The following COL6A5 variants were observed in gnomAD, a reference collection of about 807,000 sequenced individuals.
The protein encoded by COL6A5 is collagen type VI alpha 5 chain.
COL6A5 carries 48 observed loss-of-function variants against 65.6 expected under a neutral mutation model. That is an observed-to-expected ratio of 0.73 (90% CI 0.58 to 0.93). COL6A5 has a LOEUF of 0.93. Among genes scored for constraint, COL6A5 ranks in the 40% least tolerant of loss-of-function variants. COL6A5 has a pLI of 0.00. For missense variants in COL6A5, 914 were observed against 928.3 expected, an observed-to-expected ratio of 0.98 and a Z score of 0.20; for synonymous variants, 291 against 322.8, an observed-to-expected ratio of 0.90 and a Z score of 1.05.
At chr3:130,473,042 A>AAG (rs1016759346) in intron 7 of COL6A5, among the ~76,000 whole-genome samples, 1 of 150,852 alleles carries the variant, frequency 6.6e-6, no homozygotes, top group Non-Finnish European at 1.5e-5. Context: ...TACAGACAAA[A>AAG]AGAGAGAGAG....
intron 25 of COL6A5, among the ~76,000 whole-genome samples, chr3:130,420,467 G>A (rs1937493143): frequency 6.6e-6 from 1 of 151,958 alleles, no homozygotes; most frequent in Non-Finnish European, 1.5e-5. Context: ...TTTCACTGTG[G>A]TAAACAACAC....
chr3:130,451,753 G>C (rs1224495232), intron 4 of COL6A5, among the ~76,000 whole-genome samples: 1 of 152,128 alleles, frequency 6.6e-6, no homozygotes, highest in African/African-American at 2.4e-5. Flanking sequence ...TCAGGTAGGG[G>C]AGGAGTAGCC....
At chr3:130,351,872 G>T (rs1351836878) in intron 1 of COL6A5, among the ~76,000 whole-genome samples, 1 of 152,080 alleles carries the variant, frequency 6.6e-6, no homozygotes, top group Non-Finnish European at 1.5e-5. Flanking sequence ...GTTTATTGTG[G>T]CACTATTCAC....
chr3:130,413,596 T>C lies in COL6A5; in HGVS notation c.4698+16T>C. 1 of 1,547,808 alleles carries C rather than the reference T, an allele frequency of 6.5e-7. No individual in the cohort carries two copies. Among genetic ancestry groups the C allele is most frequent in the Admixed American group, 2.0e-5 (1 of 50,940 alleles). On this transcript the variant is annotated intron_variant and NMD_transcript_variant, in intron 21 of 41. Transcript: ENST00000312481. ...AGGTGTCTCAGTAAGTAACCTTGAC[T>C]TCCTGTTCTCTGTGGTTGATGGGAC...
rs530296139 is a variant in COL6A5 at position 130,416,728 on chromosome 3, A to C, written c.4825-29A>C. On this transcript the variant is annotated intron_variant and NMD_transcript_variant, in intron 23 of 41. Coordinates refer to the COL6A5 transcript ENST00000312481. ...GCTTTCTAAGAATTACTACGGTGCC[A>C]ACATTTTAGTCTCTAATTTTTTTTT... 1.5e-4 allele frequency: 209 copies of C among 1,367,568 alleles called. 3 individuals carry two copies. In the South Asian group the frequency reaches 2.6e-3, roughly 17 times the overall value. 84.7% of individuals were successfully genotyped at this position (1,367,568 alleles called of 1,614,324 possible).
In COL6A5 at chr3:130,352,992, G is replaced by A. The variant is rs183190043; in HGVS notation, c.-29+7011G>A. Among the ~76,000 whole-genome samples the A allele has an allele frequency of 1.9e-3, 284 of 152,290 alleles. 1 individual carries two copies. Among genetic ancestry groups the A allele is most frequent in the African/African-American group, 5.8e-3 (241 of 41,560 alleles). ...GTAAAGATAAAAAACAAAGTATAGAGACTGGCACATAATAAGAAACATGTA... is the reference window on the plus strand; with the variant it reads ...GTAAAGATAAAAAACAAAGTATAGAAACTGGCACATAATAAGAAACATGTA... On this transcript the variant is annotated intron_variant and NMD_transcript_variant, in intron 1 of 41. Transcript: ENST00000312481.
chr3:130,354,532 C>G lies in COL6A5; in HGVS notation c.-29+8551C>G, dbSNP rs1356911827. On this transcript the variant is annotated intron_variant and NMD_transcript_variant, in intron 1 of 41. Coordinates refer to the COL6A5 transcript ENST00000312481. ...TATTAAAAATGCAGAACTCAGGGCTCACTCCAAAGCTGCTGAATCAGAGTC... is the reference window on the plus strand; with the variant it reads ...TATTAAAAATGCAGAACTCAGGGCTGACTCCAAAGCTGCTGAATCAGAGTC... Among the ~76,000 whole-genome samples, 5 of 152,166 alleles carry G rather than the reference C, an allele frequency of 3.3e-5. No homozygotes were observed. In the East Asian group the frequency reaches 7.7e-4, roughly 23 times the overall value.
chr3:130,390,651 A>G (rs114936957), intron 6 of COL6A5, among the ~76,000 whole-genome samples: 1,668 of 152,298 alleles, frequency 0.011, 19 homozygotes, highest in Non-Finnish European at 0.013. Context: ...GGGAAAAAGC[A>G]TAAATAACTG....
intron 29 of COL6A5, 79 bp downstream of exon 29, chr3:130,423,979 A>G (rs1937560254): frequency 1.8e-6 from 2 of 1,091,340 alleles, no homozygotes; most frequent in Non-Finnish European, 2.7e-6. Flanking sequence ...ATTTAAAGTC[A>G]AATGCACTGG....
exon 3 of COL6A5, chr3:130,376,316 G>C (rs1935767405): frequency 6.2e-7 from 1 of 1,613,666 alleles, no homozygotes; most frequent in East Asian, 2.2e-5. Context: ...TCCCATTCGT[G>C]AAAACGTTCA....
intron 1 of COL6A5, among the ~76,000 whole-genome samples, chr3:130,367,407 C>T (rs982614841): frequency 1.3e-5 from 2 of 152,150 alleles, no homozygotes; most frequent in African/African-American, 4.8e-5. Context: ...CCTCATCCTC[C>T]CATATTTTAT....
chr3:130,399,478 C>T (rs1936732887), intron 10 of COL6A5, among the ~76,000 whole-genome samples: 1 of 150,944 alleles, frequency 6.6e-6, no homozygotes, highest in South Asian at 2.1e-4. Flanking sequence ...TCACACCATT[C>T]TCCTGCTTCA....
At position 130,413,406 on chromosome 3, in the gene COL6A5, A is replaced by G. The variant is rs967489401; in HGVS notation, c.4663-139A>G. ...AAGTGCCCAGTGTGAAAGCTTGTCT[A>G]TGGAAAATGCCTCAGGGAAACTGTT... On this transcript the variant is annotated intron_variant and NMD_transcript_variant, in intron 20 of 41. Coordinates refer to the COL6A5 transcript ENST00000312481. 18 of 749,172 alleles carry G rather than the reference A, an allele frequency of 2.4e-5. No individual in the cohort carries two copies. In the Admixed American group the frequency reaches 3.1e-4, roughly 13 times the overall value. 46.4% of individuals were successfully genotyped at this position (749,172 alleles called of 1,614,324 possible). A position where few individuals can be genotyped will look rare whatever the true frequency, so the allele number is the denominator to read the frequency against.
intron 8 of COL6A5, among the ~76,000 whole-genome samples, chr3:130,396,478 T>C (rs1936605124): frequency 6.6e-6 from 1 of 152,234 alleles, no homozygotes; most frequent in Admixed American, 6.5e-5. Flanking sequence ...TTTCCCCATC[T>C]GTAAAATGAA....
intron 7 of COL6A5, among the ~76,000 whole-genome samples, chr3:130,482,589 A>G (rs189442537): frequency 1.3e-5 from 2 of 152,198 alleles, no homozygotes; most frequent in Non-Finnish European, 2.9e-5. Flanking sequence ...AAGAAAGTCA[A>G]TGGTAGCTTG....
chr3:130,352,219 A>G (rs1934748459), intron 1 of COL6A5, among the ~76,000 whole-genome samples: 1 of 152,108 alleles, frequency 6.6e-6, no homozygotes, highest in Non-Finnish European at 1.5e-5. Context: ...TGATGAGTTG[A>G]TGGATACAGC....
intron 4 of COL6A5, among the ~76,000 whole-genome samples, chr3:130,444,617 G>A (rs1709265152): frequency 6.6e-6 from 1 of 152,012 alleles, no homozygotes; most frequent in Non-Finnish European, 1.5e-5. Flanking sequence ...TCGTTCTCTC[G>A]ATTTTGAGGC....
intron 22 of COL6A5, among the ~76,000 whole-genome samples, chr3:130,414,383 A>G (rs535175963): frequency 6.6e-6 from 1 of 152,116 alleles, no homozygotes; most frequent in African/African-American, 2.4e-5. Flanking sequence ...TATTAGTAAT[A>G]GTGAATGATT....
At chr3:130,449,049 G>T (rs767938383) in intron 4 of COL6A5, among the ~76,000 whole-genome samples, 8 of 152,188 alleles carry the variant, frequency 5.3e-5, no homozygotes, top group Non-Finnish European at 1.0e-4. Context: ...AAACACAGGA[G>T]AATTCCAAGA....
Sources: allele counts gnomAD v4.1 joint callset (sites outside exome capture counted in the v4.1 genomes callset), GRCh38; gene constraint gnomAD v4.1.1; transcripts MANE v1.5; gene names NCBI Gene and HGNC (gene_info 2026-07-23, HGNC 2026-07-21).